PTPRF: variants seen among roughly 807,000 people sequenced by gnomAD.
The protein encoded by PTPRF is receptor-type tyrosine-protein phosphatase F.
PTPRF carries 59 observed loss-of-function variants against 201.8 expected under a neutral mutation model. That is an observed-to-expected ratio of 0.29 (90% CI 0.24 to 0.36). The LOEUF (loss-of-function observed/expected upper bound fraction) is 0.36. Ranked by LOEUF, PTPRF falls within the 10% of genes least tolerant of loss-of-function variation. The probability of loss-of-function intolerance (pLI) is 1.00; values close to 1 mark genes in which losing one functional copy is unlikely to be tolerated. For synonymous variants in PTPRF, 1,088 were observed against 1,089.7 expected, an observed-to-expected ratio of 1.00 and a Z score of 0.03; for missense variants, 2,132 against 2,690.5, an observed-to-expected ratio of 0.79 and a Z score of 4.59.
upstream of PTPRF, among the ~76,000 whole-genome samples, chr1:43,527,909 T>C (rs537839840): frequency 7.2e-5 from 11 of 152,366 alleles, no homozygotes; most frequent in East Asian, 1.9e-3. Context: ...TTATGTCTGA[T>C]GGTTCCTTGA....
At chr1:43,570,767 G>A (rs944813294) in intron 6 of PTPRF, among the ~76,000 whole-genome samples, 1 of 152,264 alleles carries the variant, frequency 6.6e-6, no homozygotes, top group Non-Finnish European at 1.5e-5. Context: ...CCCCAGCCAC[G>A]GCCGCCTGAG....
At chr1:43,594,374 G>A (rs1411276398) in intron 11 of PTPRF, among the ~76,000 whole-genome samples, 1 of 123,060 alleles carries the variant, frequency 8.1e-6, no homozygotes, top group Non-Finnish European at 1.7e-5. Flanking sequence ...AGGCCTGAAG[G>A]CCTTCCAGCT....
intron 11 of PTPRF, among the ~76,000 whole-genome samples, chr1:43,592,843 C>T (rs545894188): frequency 2.0e-5 from 3 of 152,270 alleles, no homozygotes; most frequent in Admixed American, 1.3e-4. Flanking sequence ...CCCCTCCTCC[C>T]GCCCATGCCC....
chr1:43,557,988 C>G (rs2153976868), intron 5 of PTPRF, among the ~76,000 whole-genome samples: 1 of 152,270 alleles, frequency 6.6e-6, no homozygotes, highest in East Asian at 1.9e-4. Flanking sequence ...TCACCCCACC[C>G]CTCCCCTCCC....
At chr1:43,531,380 C>A (rs1249399850) in intron 1 of PTPRF, among the ~76,000 whole-genome samples, 4 of 148,704 alleles carry the variant, frequency 2.7e-5, no homozygotes, top group Non-Finnish European at 4.5e-5. Context: ...CCCTCTCCAC[C>A]GCACCTTAGC....
chr1:43,605,548 G>C lies in PTPRF; in HGVS notation c.3409G>C (p.Val1137Leu), dbSNP rs1300227430. 1 of 1,614,136 alleles carries C rather than the reference G, an allele frequency of 6.2e-7. No homozygotes were observed. The highest frequency in any genetic ancestry group is 2.2e-5 in the East Asian group (1 of 44,870). The change falls in exon 19 of 34, where the codon GTG becomes CTG. Residue 1137 changes from valine to leucine, a missense_variant. Physicochemically the swap from Val to Leu is conservative, Grantham distance 32. Transcript: ENST00000359947. ...SLVRWFYIVV[V>L]PIDRVGGSML... Reference sequence around the variant, plus strand: ...ACCCAGGTGGTTCTACATTGTTGTGGTGCCCATTGACCGTGTGGGCGGGAG... The same window carrying C: ...ACCCAGGTGGTTCTACATTGTTGTGCTGCCCATTGACCGTGTGGGCGGGAG...
chr1:43,540,554 G>A (rs1169326913), intron 2 of PTPRF, among the ~76,000 whole-genome samples: 2 of 152,204 alleles, frequency 1.3e-5, no homozygotes, highest in Non-Finnish European at 2.9e-5. Flanking sequence ...TACCTCTGCT[G>A]GTCCCCTTTG....
Position 43,603,399 on chromosome 1 carries a change from C to CCCT in PTPRF, c.2341-8_2341-6dup, listed in dbSNP as rs1200013749. On this transcript the variant is annotated splice_polypyrimidine_tract_variant and intron_variant, in intron 14 of 33. Coordinates refer to ENST00000359947, the MANE Select transcript of PTPRF (RefSeq NM_002840.5). The surrounding 1 kb of genome is among the most constrained non-coding windows in gnomAD (Gnocchi z 5.8). ...CTGCATTCTTGTGATGGGAACGAACCCCTCCTCCTCCCTCAGGAAACCACT... is the reference window on the plus strand; with the variant it reads ...CTGCATTCTTGTGATGGGAACGAACCCCTCCTCCTCCTCCCTCAGGAAACCACT... 52 of 1,607,808 alleles carry CCCT rather than the reference C, an allele frequency of 3.2e-5. No individual in the cohort carries two copies. Among genetic ancestry groups the CCCT allele is most frequent in the Non-Finnish European group, 4.4e-5 (52 of 1,174,428 alleles).
intron 2 of PTPRF, among the ~76,000 whole-genome samples, chr1:43,539,682 G>C (rs977382715): frequency 3.3e-5 from 5 of 152,182 alleles, no homozygotes; most frequent in African/African-American, 1.2e-4. Flanking sequence ...GGTGGGTGTA[G>C]GGACACTATG....
At chr1:43,581,380 A>G (rs1469748400) in intron 7 of PTPRF, among the ~76,000 whole-genome samples, 1 of 152,192 alleles carries the variant, frequency 6.6e-6, no homozygotes, top group Non-Finnish European at 1.5e-5. Context: ...ACGTTCCTCT[A>G]GGCCCTGATG....
At chr1:43,547,903 T>C (rs1644784361) in intron 3 of PTPRF, among the ~76,000 whole-genome samples, 1 of 152,206 alleles carries the variant, frequency 6.6e-6, no homozygotes, top group Non-Finnish European at 1.5e-5. Flanking sequence ...AGAGGTGTCC[T>C]GAGCCAGGGC....
intron 3 of PTPRF, among the ~76,000 whole-genome samples, chr1:43,551,269 G>A (rs1334941625): frequency 1.3e-5 from 2 of 151,988 alleles, no homozygotes; most frequent in African/African-American, 2.4e-5. Context: ...CAAGTGTGGG[G>A]GAAGAGTGCA....
At position 43,623,220 on chromosome 1, in the gene PTPRF, C is replaced by T. The variant is rs1659525949; in HGVS notation, c.*1217C>T. ...AGAGCAGGGGCCAGATGATTTTCCT[C>T]CCTGGTTTGCAGCTGTTTTCAAAGC... On this transcript the variant is annotated 3_prime_UTR_variant, in exon 34 of 34. Transcript: ENST00000359947. 6.5e-6 allele frequency: 1 copy of T among 152,698 alleles called. No individual in the cohort carries two copies. Among genetic ancestry groups the T allele is most frequent in the Non-Finnish European group, 1.5e-5 (1 of 68,080 alleles). 9.5% of individuals were successfully genotyped at this position (152,698 alleles called of 1,614,324 possible).
chr1:43,537,660 C>T lies in PTPRF; in HGVS notation c.-125-538C>T, dbSNP rs1644107191. 6.6e-6 allele frequency among the ~76,000 whole-genome samples: 1 copy of T among 152,248 alleles called. No individual in the cohort carries two copies. The highest frequency in any genetic ancestry group is 2.1e-4 in the South Asian group (1 of 4,832). On this transcript the variant is annotated intron_variant, in intron 1 of 33. Transcript: ENST00000359947. This position sits in a 1 kb window ranked among gnomAD's most constrained non-coding sequence, Gnocchi z 4.8. ...TAGTCTGGGACATTGTGGAAGGCTT[C>T]CCTGAGAAAGTGCCACTGGACTTGA...
upstream of PTPRF, among the ~76,000 whole-genome samples, chr1:43,526,042 G>A (rs1030558846): frequency 2.3e-4 from 35 of 152,050 alleles, no homozygotes; most frequent in African/African-American, 8.0e-4. Flanking sequence ...TGGGCAGATG[G>A]GAATGCTATA....
At chr1:43,527,214 A>G (rs1349759431), upstream of PTPRF, among the ~76,000 whole-genome samples, 6 of 152,282 alleles carry the variant, frequency 3.9e-5, no homozygotes, top group African/African-American at 1.4e-4. Flanking sequence ...CAGACACACA[A>G]TGACCACATG....
At position 43,609,507 on chromosome 1, in the gene PTPRF, C is replaced by T; in HGVS notation, c.3973+9C>T. 6.2e-7 allele frequency: 1 copy of T among 1,605,652 alleles called. No individual in the cohort carries two copies. The highest frequency in any genetic ancestry group is 8.5e-7 in the Non-Finnish European group (1 of 1,173,974). ...CAACTACCAGACCCCAGGTAGGGCA[C>T]TCCTATGGCCTGTGTGCCCCCAGCC... On this transcript the variant is annotated intron_variant, in intron 22 of 33. Transcript: ENST00000359947.
chr1:43,542,202 G>A lies in PTPRF; in HGVS notation c.-45-2829G>A, dbSNP rs561178520. 1.8e-3 allele frequency among the ~76,000 whole-genome samples: 281 copies of A among 152,254 alleles called. 2 individuals are homozygous for A. The highest frequency in any genetic ancestry group is 3.6e-3 in the Non-Finnish European group (243 of 68,008). ...CCTGGAGCTGGGAGTGGCCTGAACC[G>A]CCTGACACCAGGGCAGGCTCTGTGC... On this transcript the variant is annotated intron_variant, in intron 2 of 33. Transcript: ENST00000359947. The surrounding 1 kb of genome is among the most constrained non-coding windows in gnomAD (Gnocchi z 5.2).
At chr1:43,560,360 G>T (rs1645721557) in intron 5 of PTPRF, among the ~76,000 whole-genome samples, 1 of 152,040 alleles carries the variant, frequency 6.6e-6, no homozygotes, top group African/African-American at 2.4e-5. Flanking sequence ...GCTTGTACAT[G>T]CAGCACATAG....
Sources: gnomAD v4.1 joint callset for allele counts (sites outside exome capture counted in the v4.1 genomes callset) on GRCh38, gnomAD v4.1.1 for gene constraint, Gnocchi (gnomAD v3.1) non-coding constraint, MANE v1.5 for transcripts, NCBI Gene and HGNC (gene_info 2026-07-23, HGNC 2026-07-21) for gene names.